The following LHFPL3 variants were observed in gnomAD, a reference collection of about 807,000 sequenced individuals.
LHFPL3 encodes LHFPL tetraspan subfamily member 3.
LHFPL3 carries 5 observed loss-of-function variants against 19.3 expected under a neutral mutation model. That is an observed-to-expected ratio of 0.26 (90% CI 0.14 to 0.54). The LOEUF (loss-of-function observed/expected upper bound fraction) is 0.54. LHFPL3 is among the 20% of genes least tolerant of loss of function. LHFPL3 has a pLI of 0.94. For missense variants in LHFPL3, 249 were observed against 307.4 expected, an observed-to-expected ratio of 0.81 and a Z score of 1.42; for synonymous variants, 133 against 126.2, an observed-to-expected ratio of 1.05 and a Z score of -0.36.
chr7:104,584,938 T>C (rs186935564), intron 1 of LHFPL3, among the ~76,000 whole-genome samples: 2 of 152,284 alleles, frequency 1.3e-5, no homozygotes, highest in Admixed American at 6.5e-5. Context: ...GGAGTTATGA[T>C]TTTTTGCTTT....
chr7:104,838,198 T>C (rs901694335), intron 2 of LHFPL3, among the ~76,000 whole-genome samples: 1 of 152,204 alleles, frequency 6.6e-6, no homozygotes, highest in African/African-American at 2.4e-5. Context: ...GAGGAACTTT[T>C]TCAAAAGACA....
chr7:104,487,951 A>G (rs762399751), intron 1 of LHFPL3, among the ~76,000 whole-genome samples: 6 of 152,178 alleles, frequency 3.9e-5, no homozygotes, highest in Non-Finnish European at 7.3e-5. Context: ...TTTGTTGCCA[A>G]GAGAGGCTCC....
chr7:104,481,044 T>G (rs1467798713), intron 1 of LHFPL3, among the ~76,000 whole-genome samples: 1 of 152,152 alleles, frequency 6.6e-6, no homozygotes, highest in Non-Finnish European at 1.5e-5. Context: ...CACTTTGCCT[T>G]GCTGGGTGAC....
At chr7:104,619,510 G>A (rs1028926599) in intron 1 of LHFPL3, among the ~76,000 whole-genome samples, 6 of 151,926 alleles carry the variant, frequency 3.9e-5, no homozygotes, top group Non-Finnish European at 4.4e-5. Context: ...CAGAATGATT[G>A]AAATGAGAGA....
chr7:104,519,659 T>G lies in LHFPL3; in HGVS notation c.445+190435T>G, dbSNP rs140253075. On this transcript the variant is annotated intron_variant, in intron 1 of 2. Transcript: ENST00000424859. ...GTGAAGAAAACATTTTTATTCTTTT[T>G]CCCATTATAAAAAATCTGCTGAACA... Among the ~76,000 whole-genome samples the G allele has an allele frequency of 4.5e-3, 684 of 152,244 alleles. 19 individuals carry two copies. Among genetic ancestry groups the G allele is most frequent in the East Asian group, 1.4e-3 (7 of 5,184 alleles).
chr7:104,637,306 A>T (rs1257172057), intron 1 of LHFPL3, among the ~76,000 whole-genome samples: 1 of 152,182 alleles, frequency 6.6e-6, no homozygotes, highest in East Asian at 1.9e-4. Context: ...ATAGTTTGCA[A>T]AGATTTTCTA....
intron 1 of LHFPL3, among the ~76,000 whole-genome samples, chr7:104,482,399 C>G (rs1472750337): frequency 6.6e-6 from 1 of 152,196 alleles, no homozygotes; most frequent in African/African-American, 2.4e-5. Context: ...ATTAAGGGGT[C>G]CAACAGGGTT....
chr7:104,421,164 A>T (rs774686349), intron 1 of LHFPL3, among the ~76,000 whole-genome samples: 16 of 152,232 alleles, frequency 1.1e-4, no homozygotes, highest in Non-Finnish European at 1.9e-4. Flanking sequence ...TTGAGAAAGG[A>T]TGAAATTAGA....
chr7:104,874,127 T>C (rs189904210), intron 2 of LHFPL3, among the ~76,000 whole-genome samples: 82 of 152,346 alleles, frequency 5.4e-4, no homozygotes, highest in African/African-American at 1.7e-3. Flanking sequence ...GCTGCTCTAA[T>C]CTCATTTCTC....
At chr7:104,547,245 A>AAAT (rs1794591759) in intron 1 of LHFPL3, among the ~76,000 whole-genome samples, 1 of 21,818 alleles carries the variant, frequency 4.6e-5, no homozygotes, top group Admixed American at 4.7e-4. Flanking sequence ...TCCGTCTCAA[A>AAAT]AAAAAAAAAA....
intron 2 of LHFPL3, among the ~76,000 whole-genome samples, chr7:104,896,857 G>A (rs909840985): frequency 2.0e-5 from 3 of 152,132 alleles, no homozygotes; most frequent in Non-Finnish European, 2.9e-5. Context: ...AGGCCAAGGC[G>A]GGTGGATCAC....
intron 1 of LHFPL3, among the ~76,000 whole-genome samples, chr7:104,511,287 C>T (rs1262739760): frequency 6.6e-6 from 1 of 152,094 alleles, no homozygotes; most frequent in East Asian, 1.9e-4. Flanking sequence ...ATCGGAATAA[C>T]TAAAATAAAA....
At chr7:104,506,075 GACAC>G (rs1793692913) in intron 1 of LHFPL3, among the ~76,000 whole-genome samples, 1 of 151,146 alleles carries the variant, frequency 6.6e-6, no homozygotes, top group Non-Finnish European at 1.5e-5. Context: ...GGAGTGCAGT[GACAC>G]GATTTTGGCT....
At chr7:104,533,049 T>C (rs1255893264) in intron 1 of LHFPL3, among the ~76,000 whole-genome samples, 1 of 152,250 alleles carries the variant, frequency 6.6e-6, no homozygotes, top group Non-Finnish European at 1.5e-5. Context: ...ATACTACATT[T>C]ACTCATGGCT....
chr7:104,561,762 A>G (rs1790009299), intron 1 of LHFPL3, among the ~76,000 whole-genome samples: 1 of 152,028 alleles, frequency 6.6e-6, no homozygotes, highest in Non-Finnish European at 1.5e-5. Flanking sequence ...TAGTTGATGC[A>G]GTTTCTTCCT....
At chr7:104,777,996 T>C (rs552538596) in intron 2 of LHFPL3, among the ~76,000 whole-genome samples, 2 of 152,298 alleles carry the variant, frequency 1.3e-5, no homozygotes, top group South Asian at 4.1e-4. Context: ...CTTGTTCTCC[T>C]TCCCCAAACA....
intron 2 of LHFPL3, chr7:104,826,193 C>T (rs1790814616): frequency 6.6e-6 from 1 of 152,136 alleles, no homozygotes; most frequent in African/African-American, 2.4e-5. Context: ...CCTGGTCTGT[C>T]CTGGAAACCT....
At chr7:104,597,999 T>C (rs999299879) in intron 1 of LHFPL3, among the ~76,000 whole-genome samples, 1 of 151,472 alleles carries the variant, frequency 6.6e-6, no homozygotes, top group Non-Finnish European at 1.5e-5. Flanking sequence ...ATGGTTAAGT[T>C]TGGGTGGAAG....
At chr7:104,881,258 T>C (rs979561914) in intron 2 of LHFPL3, among the ~76,000 whole-genome samples, 3 of 152,188 alleles carry the variant, frequency 2.0e-5, no homozygotes, top group Non-Finnish European at 4.4e-5. Context: ...GCAATGTGAA[T>C]TGAAAACCTT....
Sources: gnomAD v4.1 joint callset for allele counts (sites outside exome capture counted in the v4.1 genomes callset) on GRCh38, gnomAD v4.1.1 for gene constraint, MANE v1.5 for transcripts, NCBI Gene and HGNC (gene_info 2026-07-23, HGNC 2026-07-21) for gene names.